The following BPTF variants were observed in gnomAD, a reference collection of about 807,000 sequenced individuals.
BPTF encodes bromodomain PHD finger transcription factor.
A neutral mutation model predicts 292.5 loss-of-function variants in BPTF; 18 were observed. That is an observed-to-expected ratio of 0.06 (90% CI 0.04 to 0.09). The LOEUF is 0.09. Ranked by LOEUF, BPTF falls within the 10% of genes least tolerant of loss-of-function variation. The probability of loss-of-function intolerance (pLI) is 1.00; values close to 1 mark genes in which losing one functional copy is unlikely to be tolerated. For synonymous variants in BPTF, 1,225 were observed against 1,251.9 expected (o/e 0.98, Z 0.45); for missense variants, 2,726 against 3,498.7 (o/e 0.78, Z 5.57).
intron 11 of BPTF, among the ~76,000 whole-genome samples, chr17:67,915,764 G>T (rs76198866): frequency 0.015 from 2,311 of 152,120 alleles, 51 homozygotes; most frequent in African/African-American, 0.052. Flanking sequence ...TCCCTCCCTT[G>T]TCCTTTCCTC....
In BPTF at chr17:67,905,585, T is replaced by G. The variant is rs987712211; in HGVS notation, c.2812+745T>G. Among the ~76,000 whole-genome samples, 3 of 152,122 alleles carry G rather than the reference T, an allele frequency of 2.0e-5. No individual in the cohort carries two copies. The East Asian group carries it at 5.8e-4, about 29-fold the overall frequency. ...TTAGCCAGGTGTAGTGCCACATGGC[T>G]GTGGTCCCAGCTACTTGGGGGTCTG... On this transcript the variant is annotated intron_variant, in intron 9 of 27. Coordinates refer to ENST00000306378, the MANE Select transcript of BPTF (RefSeq NM_182641.4).
intron 23 of BPTF, among the ~76,000 whole-genome samples, chr17:67,953,286 T>C (rs1327643538): frequency 2.0e-4 from 29 of 147,462 alleles, no homozygotes; most frequent in African/African-American, 6.5e-4. Context: ...AGACGGAGTC[T>C]TACTCTGTCA....
chr17:67,924,675 G>A, intron 15 of BPTF, 86 bp downstream of exon 15: 2 of 1,467,040 alleles, frequency 1.4e-6, no homozygotes, highest in Admixed American at 2.0e-5. Context: ...CATCAGCAGG[G>A]GGAGTTGGTG....
intron 4 of BPTF, chr17:67,875,484 C>A: frequency 8.2e-7 from 1 of 1,226,642 alleles, no homozygotes; most frequent in South Asian, 2.4e-5. Flanking sequence ...TAGTAGTTGA[C>A]TGAATGTGGC....
At chr17:67,906,494 A>T (rs1057318893) in intron 9 of BPTF, among the ~76,000 whole-genome samples, 9 of 152,210 alleles carry the variant, frequency 5.9e-5, no homozygotes, top group African/African-American at 2.2e-4. Context: ...TTTAAACTCA[A>T]GTTCAATGAG....
chr17:67,919,591 A>G (rs1381531466), intron 12 of BPTF, among the ~76,000 whole-genome samples: 2 of 152,138 alleles, frequency 1.3e-5, no homozygotes, highest in Admixed American at 6.6e-5. Context: ...GGCACATGCT[A>G]TAAAATCCCA....
chr17:67,861,466 G>A (rs1353081037), intron 2 of BPTF, among the ~76,000 whole-genome samples: 2 of 151,424 alleles, frequency 1.3e-5, no homozygotes, highest in African/African-American at 4.9e-5. Context: ...ACGGGCGGCC[G>A]CCACCACACC....
In BPTF at chr17:67,911,401, C is replaced by T. The variant is rs773960660; in HGVS notation, c.3517C>T (p.Arg1173Trp). Residue 1173 changes from arginine (R) to tryptophan (W), a missense_variant, in exon 11 of 28, where the codon CGG becomes TGG. Transcript: ENST00000306378. Reference sequence around the variant, plus strand: ...TCGAGTGTTAGATGATGTCTCCATTCGGAGCCCAGAAACAAAATGTCCGAA... The same window carrying T: ...TCGAGTGTTAGATGATGTCTCCATTTGGAGCCCAGAAACAAAATGTCCGAA... ...KDRVLDDVSI[R>W]SPETKCPKQN... The T allele has an allele frequency of 2.4e-5, 38 of 1,613,932 alleles. No homozygotes were observed. Among genetic ancestry groups the T allele is most frequent in the Middle Eastern group, 1.6e-4 (1 of 6,084 alleles).
rs558288864 is a variant in BPTF, at chr17:67,939,193, T to G, written c.6260-1246T>G. Among the ~76,000 whole-genome samples, 3 of 152,342 alleles carry G rather than the reference T, an allele frequency of 2.0e-5. No individual in the cohort carries two copies. In the South Asian group the frequency reaches 6.2e-4, roughly 32 times the overall value. On this transcript the variant is annotated intron_variant, in intron 18 of 27. Coordinates refer to ENST00000306378, the MANE Select transcript of BPTF (RefSeq NM_182641.4). ...GATAAGCAGGAATTTTACCATGGCG[T>G]TAGTTTAACAACAACAACAAAAAGG...
At chr17:67,897,610 A>G (rs1598496703) in intron 7 of BPTF, among the ~76,000 whole-genome samples, 1 of 152,020 alleles carries the variant, frequency 6.6e-6, no homozygotes, top group Non-Finnish European at 1.5e-5. Flanking sequence ...GGTGGGGGGA[A>G]GGGTTGGGGA....
intron 7 of BPTF, among the ~76,000 whole-genome samples, chr17:67,896,274 G>C (rs1044183148): frequency 3.3e-5 from 5 of 152,204 alleles, no homozygotes; most frequent in African/African-American, 1.2e-4. Context: ...TATTGGGCAT[G>C]TTTAAATTGT....
intron 18 of BPTF, 105 bp downstream of exon 18, chr17:67,932,124 G>A (rs1469549805): frequency 1.1e-6 from 1 of 912,680 alleles, no homozygotes; most frequent in African/African-American, 1.7e-5. Context: ...ATTTTAATTA[G>A]TACTTCAAAG....
At chr17:67,913,284 A>G (rs1450218965) in intron 11 of BPTF, 97 bp downstream of exon 11, 2 of 1,455,738 alleles carry the variant, frequency 1.4e-6, no homozygotes, top group African/African-American at 2.8e-5. Context: ...TAATAGAGAT[A>G]AGACAGGAAA....
At chr17:67,931,767 T>C in intron 17 of BPTF, 144 bp from the exon 18 acceptor site, 1 of 571,130 alleles carries the variant, frequency 1.8e-6, no homozygotes, top group Non-Finnish European at 2.9e-6. Context: ...TTTAATACAA[T>C]TTAAAATGTA....
intron 7 of BPTF, among the ~76,000 whole-genome samples, chr17:67,899,560 CTTG>C (rs1265436309): frequency 7.5e-6 from 1 of 132,776 alleles, no homozygotes; most frequent in Non-Finnish European, 1.6e-5. Flanking sequence ...GAGACAGAAT[CTTG>C]TTTGTCGCTC....
At chr17:67,951,579 A>T (rs1383255600) in intron 23 of BPTF, 1 of 152,202 alleles carries the variant, frequency 6.6e-6, no homozygotes, top group African/African-American at 2.4e-5. Context: ...CTTTATGTAT[A>T]AAAAAGTTGG....
intron 1 of BPTF, among the ~76,000 whole-genome samples, chr17:67,841,134 A>C (rs2057522790): frequency 1.3e-5 from 2 of 152,040 alleles, no homozygotes; most frequent in African/African-American, 4.8e-5. Context: ...AAGGCCAGGC[A>C]TGGTGGCTCA....
rs139607948 is a variant in BPTF at position 67,834,939 on chromosome 17, G to C, written c.613+8602G>C. Among the ~76,000 whole-genome samples, 316 of 152,324 alleles carry C rather than the reference G, an allele frequency of 2.1e-3. 3 individuals carry two copies. The highest frequency in any genetic ancestry group is 7.3e-3 in the African/African-American group (304 of 41,580). On this transcript the variant is annotated intron_variant, in intron 1 of 27. Transcript: ENST00000306378. ...TTAATTAAAACTAGGCAGGCCAAGC[G>C]TGGTGGCTCATACCTGTAGTCCCAA...
chr17:67,837,883 G>A (rs1421063523), intron 1 of BPTF, among the ~76,000 whole-genome samples: 1 of 152,222 alleles, frequency 6.6e-6, no homozygotes, highest in African/African-American at 2.4e-5. Context: ...ATGGCAGGAT[G>A]TCTGTTTTGA....
Sources: allele counts gnomAD v4.1 joint callset (sites outside exome capture counted in the v4.1 genomes callset), GRCh38; gene constraint gnomAD v4.1.1; transcripts MANE v1.5; gene names NCBI Gene and HGNC (gene_info 2026-07-23, HGNC 2026-07-21).